FAIM: variants seen among roughly 807,000 people sequenced by gnomAD.
The protein encoded by FAIM is Fas apoptotic inhibitory molecule.
FAIM carries 14 observed loss-of-function variants against 21.2 expected under a neutral mutation model. The observed-to-expected ratio is 0.66, with a 90% CI of 0.44 to 1.03. FAIM has a LOEUF of 1.03. Among genes scored for constraint, FAIM ranks in the 50% least tolerant of loss-of-function variants. The pLI is 0.00. For synonymous variants in FAIM, 86 were observed against 80.4 expected (o/e 1.07, Z -0.37); for missense variants, 222 against 247.1 (o/e 0.90, Z 0.68).
At position 138,621,530 on chromosome 3, in the gene FAIM, A is replaced by G. The variant is rs753882926; in HGVS notation, c.168A>G (p.Val56=). 5 of 1,611,876 alleles carry G rather than the reference A, an allele frequency of 3.1e-6. No homozygotes were observed. In the Admixed American group the frequency reaches 5.1e-5, roughly 16 times the overall value. Residue 56 remains valine, a synonymous_variant, in exon 3 of 6, where the codon GTA becomes GTG. Transcript: ENST00000360570. ...GTTSGKRVVY[V]DGKEEIRKEW... Reference sequence around the variant, plus strand: ...CATCAGGCAAACGAGTAGTATATGTAGATGGAAAGGTAGGAAGAAAATATG... The same window carrying G: ...CATCAGGCAAACGAGTAGTATATGTGGATGGAAAGGTAGGAAGAAAATATG...
intron 4 of FAIM, among the ~76,000 whole-genome samples, chr3:138,623,482 C>T (rs1416412375): frequency 6.6e-6 from 1 of 152,184 alleles, no homozygotes; most frequent in Admixed American, 6.5e-5. Context: ...CCTCCAGCCT[C>T]AGCCTCCCGA....
intron 4 of FAIM, among the ~76,000 whole-genome samples, chr3:138,627,244 C>G (rs1577016660): frequency 1.3e-5 from 2 of 150,342 alleles, no homozygotes; most frequent in East Asian, 3.9e-4. Flanking sequence ...TGCAGTGGTG[C>G]AATTTTGGCT....
rs1400220030 is a variant in FAIM, at chr3:138,619,783, T to C, written c.44+13T>C. The C allele has an allele frequency of 2.5e-6, 4 of 1,607,664 alleles. No individual in the cohort carries two copies. In the African/African-American group the frequency reaches 4.0e-5, roughly 16 times the overall value. ...AAGATGATGAAAGGTAAATGTCTTA[T>C]ATTGCAGTAAACTAGCCTTTGACAT... On this transcript the variant is annotated intron_variant, in intron 2 of 5. Coordinates refer to ENST00000360570, the MANE Select transcript of FAIM (RefSeq NM_001033031.2).
At chr3:138,609,457 A>G (rs1467095687) in intron 1 of FAIM, among the ~76,000 whole-genome samples, 2 of 151,338 alleles carry the variant, frequency 1.3e-5, no homozygotes, top group African/African-American at 2.4e-5. Flanking sequence ...ATGAGGGTGT[A>G]TATTCTTCCA....
In FAIM at chr3:138,621,400, C is replaced by T. The variant is rs757401012; in HGVS notation, c.45-7C>T. On this transcript the variant is annotated splice_polypyrimidine_tract_variant and splice_region_variant and intron_variant, in intron 2 of 5. Coordinates refer to ENST00000360570, the MANE Select transcript of FAIM (RefSeq NM_001033031.2). ...CCTACTATAATTGCTTTATTTTATT[C>T]CTTTAGCCCTCCTTACAGCCTAGAA... 6.2e-7 allele frequency: 1 copy of T among 1,613,206 alleles called. No homozygotes were observed.
chr3:138,633,279 G>A lies in FAIM; in HGVS notation c.*200G>A, dbSNP rs780161181. ...AATTACAATTTATGATGCAAATAAT[G>A]TAAAATGTTTTAAAGACAAATGGCA... On this transcript the variant is annotated 3_prime_UTR_variant, in exon 6 of 6. Coordinates refer to ENST00000360570, the MANE Select transcript of FAIM (RefSeq NM_001033031.2). The A allele has an allele frequency of 6.6e-5, 25 of 379,302 alleles. No individual in the cohort carries two copies. Among genetic ancestry groups the A allele is most frequent in the Non-Finnish European group, 1.1e-4 (24 of 217,288 alleles). The allele number at this position is 379,302 out of a possible 1,614,324, so 23.5% of individuals were successfully genotyped here. A position where few individuals can be genotyped will look rare whatever the true frequency, so the allele number is the denominator to read the frequency against.
At chr3:138,617,525 A>C (rs748617423) in intron 1 of FAIM, among the ~76,000 whole-genome samples, 15 of 146,748 alleles carry the variant, frequency 1.0e-4, no homozygotes, top group Admixed American at 2.1e-4. Context: ...ATCTATATAT[A>C]TCTCTCTCTA....
intron 1 of FAIM, among the ~76,000 whole-genome samples, chr3:138,611,373 T>C (rs2042766976): frequency 6.6e-6 from 1 of 152,192 alleles, no homozygotes; most frequent in African/African-American, 2.4e-5. Context: ...TAATTAACTT[T>C]TTGAAGTGGT....
intron 1 of FAIM, among the ~76,000 whole-genome samples, chr3:138,611,459 A>G (rs1285583474): frequency 6.6e-6 from 1 of 152,160 alleles, no homozygotes; most frequent in Admixed American, 6.6e-5. Flanking sequence ...TACATTCACA[A>G]TAGTGTGCGA....
chr3:138,626,896 C>A (rs938837103), intron 4 of FAIM, among the ~76,000 whole-genome samples: 5 of 152,148 alleles, frequency 3.3e-5, no homozygotes, highest in African/African-American at 1.2e-4. Context: ...CTAGGTGAAG[C>A]AATGGTATTT....
rs1285258999 is a variant in FAIM at position 138,609,533 on chromosome 3, A to ACACTCTCTCTCTCTCTCTCTCT, written c.-17+597_-17+598insACTCTCTCTCTCTCTCTCTCTC. On this transcript the variant is annotated intron_variant, in intron 1 of 5. Coordinates refer to ENST00000360570, the MANE Select transcript of FAIM (RefSeq NM_001033031.2). ...AGAACCTGCATCATAAAGTGCTGAA[A>ACACTCTCTCTCTCTCTCTCTCT]CTCTCTCTCTCTCTCTCTCTCTCTC... Among the ~76,000 whole-genome samples the ACACTCTCTCTCTCTCTCTCTCT allele has an allele frequency of 1.2e-3, 4 of 3,368 alleles. 2 individuals carry two copies. Among genetic ancestry groups the ACACTCTCTCTCTCTCTCTCTCT allele is most frequent in the Non-Finnish European group, 2.5e-3 (4 of 1,612 alleles). The allele number at this position is 3,368 out of a possible 152,430, so 2.2% of individuals were successfully genotyped here. A position where few individuals can be genotyped will look rare whatever the true frequency, so the allele number is the denominator to read the frequency against.
chr3:138,615,024 T>C (rs1319477512), intron 1 of FAIM, among the ~76,000 whole-genome samples: 1 of 152,118 alleles, frequency 6.6e-6, no homozygotes, highest in Non-Finnish European at 1.5e-5. Flanking sequence ...GTTGAAAATA[T>C]TATAAGTTGA....
At chr3:138,619,845 C>T (rs569224502) in intron 2 of FAIM, 75 bp downstream of exon 2, 8 of 1,338,682 alleles carry the variant, frequency 6.0e-6, no homozygotes, top group East Asian at 4.7e-5. Flanking sequence ...GTGATTTATC[C>T]AAGATACTCT....
At chr3:138,628,133 G>A (rs1380200995) in intron 4 of FAIM, among the ~76,000 whole-genome samples, 1 of 152,204 alleles carries the variant, frequency 6.6e-6, no homozygotes, top group Non-Finnish European at 1.5e-5. Flanking sequence ...ATTTAAGTGT[G>A]TCGGGGCAGC....
intron 1 of FAIM, among the ~76,000 whole-genome samples, chr3:138,611,467 C>T (rs1381738514): frequency 1.3e-5 from 2 of 152,032 alleles, no homozygotes; most frequent in Non-Finnish European, 1.5e-5. Context: ...CAATAGTGTG[C>T]GATCATTGTC....
chr3:138,609,978 G>A (rs1330969539), intron 1 of FAIM, among the ~76,000 whole-genome samples: 1 of 152,062 alleles, frequency 6.6e-6, no homozygotes, highest in Non-Finnish European at 1.5e-5. Flanking sequence ...GGGAATACTT[G>A]GCTCGAGGAG....
At chr3:138,623,945 CTT>C (rs1215072336) in intron 4 of FAIM, among the ~76,000 whole-genome samples, 4 of 152,192 alleles carry the variant, frequency 2.6e-5, no homozygotes, top group African/African-American at 9.7e-5. Flanking sequence ...TTCAAACTCA[CTT>C]TCTCTCAGAA....
chr3:138,620,594 A>C (rs1211905694), intron 2 of FAIM, among the ~76,000 whole-genome samples: 2 of 152,156 alleles, frequency 1.3e-5, no homozygotes, highest in East Asian at 3.9e-4. Flanking sequence ...CTCCTGGGCT[A>C]AGATGGCTCT....
chr3:138,626,627 G>A (rs977557011), intron 4 of FAIM, among the ~76,000 whole-genome samples: 1 of 152,134 alleles, frequency 6.6e-6, no homozygotes, highest in Admixed American at 6.5e-5. Flanking sequence ...ATCTTTTGCT[G>A]TTAGAAGCAA....
Sources: gnomAD v4.1 joint callset for allele counts (sites outside exome capture counted in the v4.1 genomes callset) on GRCh38, gnomAD v4.1.1 for gene constraint, MANE v1.5 for transcripts, NCBI Gene and HGNC (gene_info 2026-07-23, HGNC 2026-07-21) for gene names.